Variants in LRP1B observed in about 807,000 individuals in gnomAD.
LRP1B encodes the protein LDL receptor related protein 1B.
LRP1B carries 217 observed loss-of-function variants against 556.6 expected under a neutral mutation model. The observed-to-expected ratio is 0.39, with a 90% CI of 0.35 to 0.44. LRP1B has a LOEUF of 0.44. Among genes scored for constraint, LRP1B ranks in the 20% least tolerant of loss-of-function variants. The pLI is 1.00. For missense variants in LRP1B, 5,053 were observed against 5,620.8 expected, an observed-to-expected ratio of 0.90 and a Z score of 3.23; for synonymous variants, 2,047 against 1,865.8, an observed-to-expected ratio of 1.10 and a Z score of -2.50.
At chr2:141,152,494 T>G (rs927407854) in intron 7 of LRP1B, among the ~76,000 whole-genome samples, 1 of 151,900 alleles carries the variant, frequency 6.6e-6, no homozygotes, top group African/African-American at 2.4e-5. Flanking sequence ...GTGAGGAATG[T>G]AAACATGCCA....
chr2:141,422,987 G>T (rs73963079), intron 3 of LRP1B, among the ~76,000 whole-genome samples: 4,946 of 152,276 alleles, frequency 0.032, 264 homozygotes, highest in African/African-American at 0.11. Context: ...AAAGTCAGAT[G>T]AAAATGATAT....
chr2:140,822,943 G>T (rs899623962), intron 31 of LRP1B, among the ~76,000 whole-genome samples: 4 of 152,174 alleles, frequency 2.6e-5, no homozygotes, highest in African/African-American at 9.7e-5. Flanking sequence ...AGAAATAATT[G>T]TTATGAGATG....
chr2:140,483,640 A>ATATT (rs1491228405), intron 59 of LRP1B, among the ~76,000 whole-genome samples: 5 of 70,736 alleles, frequency 7.1e-5, no homozygotes, highest in African/African-American at 3.2e-4. Context: ...ATATATATAT[A>ATATT]TTTTTTTTTT....
rs892279542 is a variant in LRP1B, at chr2:140,760,632, T to C, written c.5758+8581A>G. Among the ~76,000 whole-genome samples the C allele has an allele frequency of 2.0e-5, 3 of 151,868 alleles. No homozygotes were observed. In the South Asian group the frequency reaches 6.2e-4, roughly 31 times the overall value. ...TGGGCGCAGTGGCTCACGCCTGTAA[T>C]TCCAACACTTTGGGAGGCCAAGGTG... On this transcript the variant is annotated intron_variant, in intron 35 of 90. Transcript: ENST00000389484.
At chr2:140,664,154 T>A (rs1559040888) in intron 41 of LRP1B, among the ~76,000 whole-genome samples, 1 of 152,060 alleles carries the variant, frequency 6.6e-6, no homozygotes, top group Non-Finnish European at 1.5e-5. Context: ...TGATTGCAAA[T>A]TACCATAACA....
At chr2:140,302,810 A>T (rs904601550) in intron 83 of LRP1B, among the ~76,000 whole-genome samples, 1 of 151,768 alleles carries the variant, frequency 6.6e-6, no homozygotes. Context: ...TTACACCTGA[A>T]TTGCTTCCTC....
chr2:141,237,822 A>C (rs1683701460), intron 5 of LRP1B, among the ~76,000 whole-genome samples: 1 of 152,130 alleles, frequency 6.6e-6, no homozygotes, highest in African/African-American at 2.4e-5. Flanking sequence ...TGTTTTGCAG[A>C]GAGCTGGTCC....
At chr2:140,863,737 G>A (rs374244499) in intron 27 of LRP1B, among the ~76,000 whole-genome samples, 3 of 152,034 alleles carry the variant, frequency 2.0e-5, no homozygotes, top group Non-Finnish European at 2.9e-5. Flanking sequence ...GGTTTGTTTC[G>A]TTTTTAGTAC....
At chr2:140,452,700 C>A (rs1035541622) in intron 62 of LRP1B, among the ~76,000 whole-genome samples, 1 of 152,020 alleles carries the variant, frequency 6.6e-6, no homozygotes, top group African/African-American at 2.4e-5. Flanking sequence ...GATTAGCAAT[C>A]CAAAGCCTTG....
At chr2:141,974,091 A>G (rs563369613) in intron 1 of LRP1B, among the ~76,000 whole-genome samples, 1 of 152,120 alleles carries the variant, frequency 6.6e-6, no homozygotes, top group Non-Finnish European at 1.5e-5. Flanking sequence ...TAGACAGTGT[A>G]TGATACTGAA....
At chr2:141,826,756 A>C (rs929319053) in intron 1 of LRP1B, among the ~76,000 whole-genome samples, 1 of 152,224 alleles carries the variant, frequency 6.6e-6, no homozygotes, top group Non-Finnish European at 1.5e-5. Context: ...TAAATTACTA[A>C]TTGAGTAAAA....
chr2:140,298,081 C>G (rs1370617274), intron 83 of LRP1B, 112 bp from the exon 84 acceptor site: 7 of 903,634 alleles, frequency 7.7e-6, no homozygotes, highest in Non-Finnish European at 1.1e-5. Flanking sequence ...CAAGGTCTGT[C>G]CATGATTTAC....
At chr2:141,352,587 T>C (rs993736327) in intron 3 of LRP1B, among the ~76,000 whole-genome samples, 9 of 151,840 alleles carry the variant, frequency 5.9e-5, no homozygotes, top group Admixed American at 5.9e-4. Flanking sequence ...AGACCTTTGG[T>C]TAATTGATAA....
intron 41 of LRP1B, among the ~76,000 whole-genome samples, chr2:140,693,080 T>C (rs1333727466): frequency 6.6e-6 from 1 of 152,188 alleles, no homozygotes; most frequent in Non-Finnish European, 1.5e-5. Flanking sequence ...TACATAAAAG[T>C]TATATATAAA....
intron 3 of LRP1B, among the ~76,000 whole-genome samples, chr2:141,472,067 A>C (rs1202303352): frequency 6.6e-6 from 1 of 152,172 alleles, no homozygotes; most frequent in African/African-American, 2.4e-5. Flanking sequence ...GATTTCACAC[A>C]AGACTTCCAG....
intron 50 of LRP1B, among the ~76,000 whole-genome samples, chr2:140,516,542 T>C (rs932314831): frequency 1.3e-5 from 2 of 152,024 alleles, no homozygotes; most frequent in Admixed American, 1.3e-4. Flanking sequence ...GTAGCATGTG[T>C]CAAATCCTTA....
chr2:140,885,356 C>CTT (rs548264984), intron 24 of LRP1B, among the ~76,000 whole-genome samples: 11 of 138,952 alleles, frequency 7.9e-5, no homozygotes, highest in South Asian at 2.3e-4. Context: ...CAACGGCTTC[C>CTT]TTTTTTTTTT....
At chr2:141,548,413 G>A (rs1231965129) in intron 2 of LRP1B, among the ~76,000 whole-genome samples, 1 of 152,196 alleles carries the variant, frequency 6.6e-6, no homozygotes, top group Non-Finnish European at 1.5e-5. Flanking sequence ...TAGGCATAGT[G>A]GTGAATTAGA....
chr2:142,108,424 T>TA lies in LRP1B; in HGVS notation c.82+22223_82+22224insT, dbSNP rs1553518177. Among the ~76,000 whole-genome samples the TA allele has an allele frequency of 5.9e-5, 9 of 151,912 alleles. No homozygotes were observed. The East Asian group carries it at 1.7e-3, about 29-fold the overall frequency. ...AATTTGCAAGTAATTAATCAATAGA[T>TA]GTTCAATAAAAAAACCACTAAGGCA... On this transcript the variant is annotated intron_variant, in intron 1 of 90. Coordinates refer to ENST00000389484, the MANE Select transcript of LRP1B (RefSeq NM_018557.3).
Sources: gnomAD v4.1 joint callset for allele counts (sites outside exome capture counted in the v4.1 genomes callset) on GRCh38, gnomAD v4.1.1 for gene constraint, MANE v1.5 for transcripts, NCBI Gene and HGNC (gene_info 2026-07-23, HGNC 2026-07-21) for gene names.